The following CTIF variants were observed in gnomAD, a reference collection of about 807,000 sequenced individuals.
The protein encoded by CTIF is CBP80/20-dependent translation initiation factor.
Under a neutral mutation model 66.0 loss-of-function variants are expected in CTIF, and 21 were observed. The observed-to-expected ratio is 0.32, with a 90% CI of 0.23 to 0.46. CTIF has a LOEUF of 0.46. Among genes scored for constraint, CTIF ranks in the 20% least tolerant of loss-of-function variants. The probability of loss-of-function intolerance (pLI) is 1.00; values close to 1 mark genes in which losing one functional copy is unlikely to be tolerated. For synonymous variants in CTIF, 345 were observed against 326.4 expected (o/e 1.06, Z -0.62); for missense variants, 739 against 812.7 (o/e 0.91, Z 1.10).
intron 3 of CTIF, among the ~76,000 whole-genome samples, chr18:48,656,222 G>A (rs2091245227): frequency 6.6e-6 from 1 of 152,258 alleles, no homozygotes; most frequent in Non-Finnish European, 1.5e-5. Context: ...AATCTCTGCA[G>A]TGGGTTCAGT....
Position 48,593,506 on chromosome 18 carries a change from C to T in CTIF, c.-28-26032C>T, listed in dbSNP as rs185754947. ...TGCCATTCTCCTGCCTCCGCCTCCCCGAGTAGCTGGGACTACAGGCGCCTG... is the reference window on the plus strand; with the variant it reads ...TGCCATTCTCCTGCCTCCGCCTCCCTGAGTAGCTGGGACTACAGGCGCCTG... On this transcript the variant is annotated intron_variant, in intron 1 of 11. Coordinates refer to ENST00000256413, the MANE Select transcript of CTIF (RefSeq NM_014772.3). 5.0e-4 allele frequency among the ~76,000 whole-genome samples: 76 copies of T among 151,734 alleles called. 1 individual carries two copies. In the East Asian group the frequency reaches 0.01, roughly 21 times the overall value.
chr18:48,811,870 T>A (rs914973891), intron 9 of CTIF, among the ~76,000 whole-genome samples: 3 of 152,260 alleles, frequency 2.0e-5, no homozygotes, highest in Admixed American at 1.3e-4. Context: ...GACATCTCTT[T>A]GAAATCCTGA....
intron 1 of CTIF, among the ~76,000 whole-genome samples, chr18:48,605,728 C>A (rs56928577): frequency 0.14 from 21,128 of 151,926 alleles, 2,631 homozygotes; most frequent in African/African-American, 0.34. Context: ...GTGGGAGGAG[C>A]TCTTAGGTCA....
chr18:48,544,100 C>G (rs1213244929), intron 1 of CTIF, among the ~76,000 whole-genome samples: 1 of 152,168 alleles, frequency 6.6e-6, no homozygotes, highest in Non-Finnish European at 1.5e-5. Context: ...GGAAGAGAAT[C>G]TACAGATTTC....
intron 7 of CTIF, among the ~76,000 whole-genome samples, chr18:48,746,965 C>T (rs538106234): frequency 4.6e-5 from 7 of 152,252 alleles, no homozygotes; most frequent in South Asian, 2.1e-4. Context: ...CCCCATGTCT[C>T]GCCACATGCT....
chr18:48,813,791 C>G (rs1160356381), intron 9 of CTIF, among the ~76,000 whole-genome samples: 1 of 152,186 alleles, frequency 6.6e-6, no homozygotes, highest in African/African-American at 2.4e-5. Context: ...CAAGTTTTTT[C>G]CTGCCCCAGA....
At chr18:48,808,063 A>G (rs565151464) in intron 9 of CTIF, among the ~76,000 whole-genome samples, 102 of 152,338 alleles carry the variant, frequency 6.7e-4, no homozygotes, top group Non-Finnish European at 1.2e-3. Flanking sequence ...AGAACTCTTA[A>G]GACTTATTTT....
intron 1 of CTIF, among the ~76,000 whole-genome samples, chr18:48,584,133 T>C (rs2089719548): frequency 6.6e-6 from 1 of 152,110 alleles, no homozygotes; most frequent in African/African-American, 2.4e-5. Flanking sequence ...GCTTAACAAA[T>C]AGGGTTTGAG....
Position 48,859,325 on chromosome 18 carries a change from C to T in CTIF, c.1582-19C>T. The stretch of plus-strand genomic sequence containing the variant: ...CTGTGGGACCCGAGGCCATCCTAAC[C>T]CCACATCTCTGTCTGCAGCTGCAGA... On this transcript the variant is annotated intron_variant, in intron 11 of 11. Transcript: ENST00000256413. 8 of 1,612,404 alleles carry T rather than the reference C, an allele frequency of 5.0e-6. No individual in the cohort carries two copies. Among genetic ancestry groups the T allele is most frequent in the Non-Finnish European group, 6.8e-6 (8 of 1,178,674 alleles).
At chr18:48,825,622 C>T (rs547758008) in intron 10 of CTIF, among the ~76,000 whole-genome samples, 36 of 152,234 alleles carry the variant, frequency 2.4e-4, no homozygotes, top group African/African-American at 8.4e-4. Flanking sequence ...CCTTTCCAGG[C>T]GGACCATTCC....
At chr18:48,659,277 G>C (rs555540000) in intron 3 of CTIF, among the ~76,000 whole-genome samples, 9 of 152,266 alleles carry the variant, frequency 5.9e-5, no homozygotes, top group African/African-American at 9.6e-5. Context: ...CAGAGACTCA[G>C]CTTCTCGTCT....
chr18:48,638,756 A>C (rs2090871721), intron 3 of CTIF, among the ~76,000 whole-genome samples: 1 of 152,244 alleles, frequency 6.6e-6, no homozygotes. Context: ...AATATAACTC[A>C]ACTTAAAAGT....
At chr18:48,587,140 G>C (rs1395447938) in intron 1 of CTIF, among the ~76,000 whole-genome samples, 1 of 149,506 alleles carries the variant, frequency 6.7e-6, no homozygotes, top group Non-Finnish European at 1.5e-5. Flanking sequence ...GGAATGCCGT[G>C]GCATGATCTC....
intron 10 of CTIF, among the ~76,000 whole-genome samples, chr18:48,842,440 G>A (rs1222783731): frequency 6.6e-6 from 1 of 152,204 alleles, no homozygotes; most frequent in Non-Finnish European, 1.5e-5. Flanking sequence ...ATAGAAGATG[G>A]GTCAACGGAA....
intron 1 of CTIF, among the ~76,000 whole-genome samples, chr18:48,603,689 G>T (rs897805771): frequency 2.6e-5 from 4 of 151,908 alleles, no homozygotes; most frequent in African/African-American, 9.7e-5. Flanking sequence ...TGGATTGCTG[G>T]GTGGATGGAT....
intron 6 of CTIF, among the ~76,000 whole-genome samples, chr18:48,706,661 C>T (rs2092159077): frequency 1.3e-5 from 2 of 152,204 alleles, no homozygotes; most frequent in South Asian, 4.1e-4. Flanking sequence ...AGATACCAGC[C>T]TCAGCCTGCC....
intron 6 of CTIF, among the ~76,000 whole-genome samples, chr18:48,700,029 C>A (rs1050432860): frequency 6.6e-6 from 1 of 152,226 alleles, no homozygotes; most frequent in Non-Finnish European, 1.5e-5. Flanking sequence ...CCTCCTTATC[C>A]ATGCTGATAT....
chr18:48,670,430 G>C (rs1568121072), intron 5 of CTIF, among the ~76,000 whole-genome samples: 1 of 152,144 alleles, frequency 6.6e-6, no homozygotes, highest in Non-Finnish European at 1.5e-5. Flanking sequence ...AGGAGCAAGG[G>C]GAACTCTGGT....
chr18:48,815,968 T>G (rs2068354913), intron 9 of CTIF, among the ~76,000 whole-genome samples: 1 of 152,174 alleles, frequency 6.6e-6, no homozygotes, highest in Admixed American at 6.5e-5. Context: ...CTATTGACCT[T>G]CACAATGTCT....
Sources: allele counts gnomAD v4.1 joint callset (sites outside exome capture counted in the v4.1 genomes callset), GRCh38; gene constraint gnomAD v4.1.1; transcripts MANE v1.5; gene names NCBI Gene and HGNC (gene_info 2026-07-23, HGNC 2026-07-21).